TRAP1: variants seen among roughly 807,000 people sequenced by gnomAD.
TRAP1 encodes TNF receptor associated protein 1, also known as heat shock protein 75 kDa, mitochondrial.
TRAP1 carries 102 observed loss-of-function variants against 89.1 expected under a neutral mutation model. The ratio of observed to expected loss-of-function variants is 1.15; its 90% CI spans 0.98 to 1.35. TRAP1 has a LOEUF of 1.35. TRAP1 is among the 40% of genes most tolerant of loss of function. The pLI is 0.00. For synonymous variants in TRAP1, 508 were observed against 388.0 expected (o/e 1.31, Z -3.64); for missense variants, 1,256 against 945.3 (o/e 1.33, Z -4.31).
At chr16:3,686,265 T>C in intron 3 of TRAP1, 129 bp from the exon 4 acceptor site, 1 of 1,159,482 alleles carries the variant, frequency 8.6e-7, no homozygotes, top group Non-Finnish European at 1.2e-6. Flanking sequence ...GCATAAAGAG[T>C]TTCTGCTTTA....
chr16:3,674,567 G>A (rs1182581434), intron 8 of TRAP1, 73 bp from the exon 9 acceptor site: 1 of 1,550,546 alleles, frequency 6.4e-7, no homozygotes, highest in Non-Finnish European at 8.7e-7. Flanking sequence ...GCAGGCCTGA[G>A]CCAGTGCAGC....
chr16:3,710,820 A>C (rs2051518183), intron 1 of TRAP1, among the ~76,000 whole-genome samples: 1 of 150,664 alleles, frequency 6.6e-6, no homozygotes, highest in Non-Finnish European at 1.5e-5. Context: ...CATTTAATTT[A>C]GCTATCTCAA....
At chr16:3,698,042 A>G (rs2051313826) in intron 1 of TRAP1, among the ~76,000 whole-genome samples, 1 of 151,814 alleles carries the variant, frequency 6.6e-6, no homozygotes, top group African/African-American at 2.4e-5. Context: ...CGAACTCCTG[A>G]CCTCGTGATC....
At chr16:3,662,598 C>T (rs1425496931) in intron 15 of TRAP1, 1 of 633,962 alleles carries the variant, frequency 1.6e-6, no homozygotes, top group East Asian at 3.2e-5. Flanking sequence ...TTTGGAACCC[C>T]CACGTCCTCA....
intron 16 of TRAP1, chr16:3,660,934 A>C (rs2043038636): frequency 6.8e-6 from 1 of 147,768 alleles, no homozygotes; most frequent in Admixed American, 7.0e-5. Flanking sequence ...AAAAATTAAA[A>C]TACTACTTAG....
chr16:3,676,771 C>G (rs1017879061), intron 6 of TRAP1: 1 of 152,482 alleles, frequency 6.6e-6, no homozygotes. Context: ...AAAAAGCCCT[C>G]GGAGCCAGGC....
chr16:3,700,587 G>T (rs778413874), intron 1 of TRAP1, among the ~76,000 whole-genome samples: 1 of 151,778 alleles, frequency 6.6e-6, no homozygotes, highest in South Asian at 2.1e-4. Context: ...GGCCTCAGCC[G>T]CCCGAGTAGC....
At chr16:3,703,043 G>GGAAAAA (rs564433883) in intron 1 of TRAP1, among the ~76,000 whole-genome samples, 7 of 43,512 alleles carry the variant, frequency 1.6e-4, no homozygotes, top group African/African-American at 1.8e-4. Flanking sequence ...ACTCCGTCTT[G>GGAAAAA]AAAAAAAAAA....
intron 11 of TRAP1, among the ~76,000 whole-genome samples, chr16:3,666,604 GA>G (rs1208394753): frequency 6.6e-6 from 1 of 151,590 alleles, no homozygotes. Context: ...AATGACATGA[GA>G]AAGTTAGCTG....
chr16:3,670,172 G>A (rs1469327703), intron 11 of TRAP1, among the ~76,000 whole-genome samples: 1 of 150,508 alleles, frequency 6.6e-6, no homozygotes, highest in Non-Finnish European at 1.5e-5. Flanking sequence ...CACGAAGTCA[G>A]GAGATCGAGA....
intron 9 of TRAP1, 125 bp downstream of exon 9, chr16:3,674,214 C>G: frequency 7.5e-7 from 1 of 1,332,928 alleles, no homozygotes; most frequent in Non-Finnish European, 1.0e-6. Flanking sequence ...AGCCACCACA[C>G]CCAGCACTAC....
chr16:3,688,980 C>T, intron 3 of TRAP1, 75 bp downstream of exon 3: 1 of 1,378,706 alleles, frequency 7.3e-7, no homozygotes, highest in Non-Finnish European at 1.0e-6. Flanking sequence ...TCTGGCAATT[C>T]TCCAGAATGG....
chr16:3,672,007 A>G (rs2050920627), intron 10 of TRAP1, among the ~76,000 whole-genome samples: 1 of 152,234 alleles, frequency 6.6e-6, no homozygotes, highest in African/African-American at 2.4e-5. Flanking sequence ...GCCTCGGGGT[A>G]ACACTCGGAA....
intron 4 of TRAP1, among the ~76,000 whole-genome samples, chr16:3,680,510 G>A (rs1431410412): frequency 6.6e-6 from 1 of 152,252 alleles, no homozygotes; most frequent in Non-Finnish European, 1.5e-5. Context: ...CCAGGAAGCA[G>A]GTGTTGGGAA....
chr16:3,675,407 A>T lies in TRAP1; in HGVS notation c.815-10T>A. On this transcript the variant is annotated splice_polypyrimidine_tract_variant and intron_variant, in intron 7 of 17. Coordinates refer to ENST00000246957, the MANE Select transcript of TRAP1 (RefSeq NM_016292.3). Reference sequence around the variant, plus strand: ...TACTTCGTTACCACATCTGGAAGGGACAAAAGAAAAACCACACTGCATCTA... The same window carrying T: ...TACTTCGTTACCACATCTGGAAGGGTCAAAAGAAAAACCACACTGCATCTA... The T allele has an allele frequency of 6.2e-7, 1 of 1,613,948 alleles. No individual in the cohort carries two copies. The highest frequency in any genetic ancestry group is 8.5e-7 in the Non-Finnish European group (1 of 1,179,874).
chr16:3,700,042 T>G (rs2051344747), intron 1 of TRAP1, among the ~76,000 whole-genome samples: 1 of 151,988 alleles, frequency 6.6e-6, no homozygotes, highest in Non-Finnish European at 1.5e-5. Flanking sequence ...AATTTTTTGG[T>G]TAATGTATAA....
intron 9 of TRAP1, among the ~76,000 whole-genome samples, chr16:3,673,526 G>T (rs1170591515): frequency 1.3e-5 from 2 of 152,152 alleles, no homozygotes; most frequent in Admixed American, 6.5e-5. Context: ...GGGAGACCTG[G>T]TTAAAATGTG....
chr16:3,672,004 G>A (rs540274182), intron 10 of TRAP1, among the ~76,000 whole-genome samples: 222 of 152,336 alleles, frequency 1.5e-3, no homozygotes, highest in Middle Eastern at 6.8e-3. Context: ...ACAGCCTCGG[G>A]GTAACACTCG....
chr16:3,684,483 A>G (rs891775951), intron 4 of TRAP1, among the ~76,000 whole-genome samples: 4 of 152,288 alleles, frequency 2.6e-5, no homozygotes, highest in South Asian at 4.1e-4. Flanking sequence ...TAATCTATCA[A>G]TATTAGTTAA....
Sources: gnomAD v4.1 joint callset for allele counts (sites outside exome capture counted in the v4.1 genomes callset) on GRCh38, gnomAD v4.1.1 for gene constraint, MANE v1.5 for transcripts, NCBI Gene and HGNC (gene_info 2026-07-23, HGNC 2026-07-21) for gene names.